The following CFAP299 variants were observed in gnomAD, a reference collection of about 807,000 sequenced individuals.
The protein encoded by CFAP299 is cilia and flagella associated protein 299.
CFAP299 carries 21 observed loss-of-function variants against 27.0 expected under a neutral mutation model. The ratio of observed to expected loss-of-function variants is 0.78; its 90% CI spans 0.55 to 1.12. The LOEUF (loss-of-function observed/expected upper bound fraction) is 1.12, where lower values mean the gene tolerates loss of function less well. Among genes scored for constraint, CFAP299 ranks in the 50% most tolerant of loss-of-function variants. CFAP299 has a pLI of 0.00. For synonymous variants in CFAP299, 104 were observed against 98.1 expected (o/e 1.06, Z -0.36); for missense variants, 310 against 276.6 (o/e 1.12, Z -0.86).
chr4:80,579,367 G>C (rs1578626847), intron 2 of CFAP299, among the ~76,000 whole-genome samples: 1 of 152,308 alleles, frequency 6.6e-6, no homozygotes, highest in South Asian at 2.1e-4. Context: ...AAGAGACTAA[G>C]AAATGTGGTC....
intron 3 of CFAP299, among the ~76,000 whole-genome samples, chr4:80,807,203 T>C (rs534021848): frequency 6.6e-6 from 1 of 152,252 alleles, no homozygotes; most frequent in Non-Finnish European, 1.5e-5. Context: ...ATTTAGGAAA[T>C]GTATAATAAG....
chr4:80,390,741 A>ATG (rs755070670), intron 2 of CFAP299, among the ~76,000 whole-genome samples: 2 of 138,412 alleles, frequency 1.4e-5, no homozygotes, highest in Non-Finnish European at 3.0e-5. Context: ...ATATGTATAT[A>ATG]TGTATATATA....
intron 4 of CFAP299, among the ~76,000 whole-genome samples, chr4:80,877,516 T>C (rs1733461845): frequency 6.6e-6 from 1 of 152,186 alleles, no homozygotes; most frequent in South Asian, 2.1e-4. Context: ...GTTTCTTTAG[T>C]TGTCTAGAAT....
At chr4:80,676,839 CTCT>C (rs1219378561) in intron 3 of CFAP299, among the ~76,000 whole-genome samples, 1 of 151,936 alleles carries the variant, frequency 6.6e-6, no homozygotes. Context: ...TGGGTCCTCT[CTCT>C]TCTTATGTTA....
chr4:80,861,246 T>G (rs1241240200), intron 3 of CFAP299, among the ~76,000 whole-genome samples: 2 of 152,262 alleles, frequency 1.3e-5, no homozygotes, highest in Non-Finnish European at 2.9e-5. Flanking sequence ...GGTGCGCCGT[T>G]TTTTAAGCCC....
chr4:80,336,181 A>G (rs1441496511), intron 1 of CFAP299, among the ~76,000 whole-genome samples: 2 of 151,944 alleles, frequency 1.3e-5, no homozygotes, highest in Non-Finnish European at 2.9e-5. Flanking sequence ...CTCCCAGCCC[A>G]CTCCCATTCC....
rs967456751 is a variant in CFAP299 at position 80,870,815 on chromosome 4, A to AT, written c.476+682dup. On this transcript the variant is annotated intron_variant, in intron 4 of 5. Transcript: ENST00000358105. ...GCTGTATTCAGATCATTATTTGATG[A>AT]TTATAACAATACCTACCTCCTCTGA... 1.1e-5 allele frequency: 11 copies of AT among 984,976 alleles called. No homozygotes were observed. The African/African-American group carries it at 1.4e-4, about 13-fold the overall frequency. The allele number at this position is 984,976 out of a possible 1,614,324, so 61.0% of individuals were successfully genotyped here.
At chr4:80,392,434 C>T (rs556399550) in intron 2 of CFAP299, among the ~76,000 whole-genome samples, 1 of 152,054 alleles carries the variant, frequency 6.6e-6, no homozygotes, top group Non-Finnish European at 1.5e-5. Flanking sequence ...AATTGTAATC[C>T]CCATGTGTTG....
At chr4:80,676,507 T>C (rs1399112440) in intron 3 of CFAP299, among the ~76,000 whole-genome samples, 1 of 152,176 alleles carries the variant, frequency 6.6e-6, no homozygotes, top group Non-Finnish European at 1.5e-5. Flanking sequence ...TCTTCAATTT[T>C]TTTGAAAAGT....
chr4:80,781,862 A>G (rs1726900588), intron 3 of CFAP299, among the ~76,000 whole-genome samples: 1 of 152,058 alleles, frequency 6.6e-6, no homozygotes, highest in South Asian at 2.1e-4. Flanking sequence ...TAGAAAGGAA[A>G]TATAATAATG....
intron 2 of CFAP299, among the ~76,000 whole-genome samples, chr4:80,547,003 A>G (rs1215495915): frequency 6.6e-6 from 1 of 152,172 alleles, no homozygotes; most frequent in African/African-American, 2.4e-5. Context: ...TTAAAACTTC[A>G]TTTTTCACAG....
intron 3 of CFAP299, among the ~76,000 whole-genome samples, chr4:80,671,931 T>G (rs1031454130): frequency 9.2e-5 from 14 of 152,206 alleles, no homozygotes; most frequent in African/African-American, 3.4e-4. Context: ...TACAATCATG[T>G]CATCATGTCA....
At chr4:80,916,000 A>G (rs1219883729) in intron 4 of CFAP299, among the ~76,000 whole-genome samples, 1 of 151,410 alleles carries the variant, frequency 6.6e-6, no homozygotes, top group East Asian at 1.9e-4. Context: ...AGTGGCTCAC[A>G]CCTGTAATCC....
intron 3 of CFAP299, among the ~76,000 whole-genome samples, chr4:80,727,303 T>C (rs550123255): frequency 6.6e-6 from 1 of 152,178 alleles, no homozygotes; most frequent in South Asian, 2.1e-4. Context: ...ATAATGGTAA[T>C]ATTACAATAT....
chr4:80,718,338 C>T (rs1200670624), intron 3 of CFAP299, among the ~76,000 whole-genome samples: 2 of 151,976 alleles, frequency 1.3e-5, no homozygotes, highest in East Asian at 1.9e-4. Context: ...GAATTATATT[C>T]AATATATTTT....
intron 3 of CFAP299, among the ~76,000 whole-genome samples, chr4:80,594,632 C>T (rs1393607449): frequency 6.6e-6 from 1 of 151,864 alleles, no homozygotes; most frequent in Non-Finnish European, 1.5e-5. Context: ...CTTTGTATCG[C>T]ATTCTTATGT....
intron 4 of CFAP299, among the ~76,000 whole-genome samples, chr4:80,889,652 C>T (rs1223826859): frequency 1.3e-5 from 2 of 152,010 alleles, no homozygotes; most frequent in African/African-American, 2.4e-5. Flanking sequence ...AATACCAAAA[C>T]CAGACAAAAA....
At chr4:80,390,501 GTATA>G (rs1191834094) in intron 2 of CFAP299, among the ~76,000 whole-genome samples, 2 of 105,022 alleles carry the variant, frequency 1.9e-5, no homozygotes, top group South Asian at 3.1e-4. Context: ...CTATATATAT[GTATA>G]TATACACACA....
At chr4:80,601,696 G>C (rs1370748243) in intron 3 of CFAP299, among the ~76,000 whole-genome samples, 1 of 152,052 alleles carries the variant, frequency 6.6e-6, no homozygotes, top group East Asian at 1.9e-4. Context: ...TCACACTCAT[G>C]GCTATTGCTT....
Sources: allele counts gnomAD v4.1 joint callset (sites outside exome capture counted in the v4.1 genomes callset), GRCh38; gene constraint gnomAD v4.1.1; transcripts MANE v1.5; gene names NCBI Gene and HGNC (gene_info 2026-07-23, HGNC 2026-07-21).